The following TMEM263 variants were observed in gnomAD, a reference collection of about 807,000 sequenced individuals.
TMEM263 encodes the protein UPF0444 transmembrane protein C12orf23.
Under a neutral mutation model 8.6 loss-of-function variants are expected in TMEM263, and 5 were observed. The ratio of observed to expected loss-of-function variants is 0.58; its 90% CI spans 0.31 to 1.23. The LOEUF is 1.23. Ranked by LOEUF, TMEM263 falls within the 50% of genes most tolerant of loss-of-function variation. The probability of loss-of-function intolerance (pLI) is 0.07; values close to 1 mark genes in which losing one functional copy is unlikely to be tolerated. For synonymous variants in TMEM263, 50 were observed against 47.9 expected, an observed-to-expected ratio of 1.04 and a Z score of -0.18; for missense variants, 104 against 138.8, an observed-to-expected ratio of 0.75 and a Z score of 1.26.
At chr12:106,959,749 A>G (rs897985968) in intron 2 of TMEM263, among the ~76,000 whole-genome samples, 1 of 152,232 alleles carries the variant, frequency 6.6e-6, no homozygotes, top group African/African-American at 2.4e-5. Flanking sequence ...AAGAGGTAAT[A>G]TCACTAAAAG....
intron 2 of TMEM263, among the ~76,000 whole-genome samples, chr12:106,966,738 A>T (rs1374844600): frequency 6.6e-6 from 1 of 152,196 alleles, no homozygotes; most frequent in Non-Finnish European, 1.5e-5. Context: ...AATTACAATT[A>T]AATTAACCAG....
intron 2 of TMEM263, among the ~76,000 whole-genome samples, chr12:106,961,030 C>T (rs951048251): frequency 1.4e-5 from 2 of 142,548 alleles, no homozygotes; most frequent in African/African-American, 6.0e-5. Flanking sequence ...CTCCTCTCTT[C>T]TCTTCGTCCT....
chr12:106,965,246 C>T (rs1363560197), intron 2 of TMEM263, among the ~76,000 whole-genome samples: 1 of 152,146 alleles, frequency 6.6e-6, no homozygotes, highest in African/African-American at 2.4e-5. Context: ...TGTATCCTTA[C>T]CTTCTTTGAG....
chr12:106,971,647 T>C lies in TMEM263; in HGVS notation c.*256T>C. On this transcript the variant is annotated 3_prime_UTR_variant, in exon 4 of 4. Transcript: ENST00000280756. ...CTCGGTTGTAACTGAAGATATGGTA[T>C]GTTTGAATATTTACTATAAGTCTTT... 1 of 357,268 alleles carries C rather than the reference T, an allele frequency of 2.8e-6. No individual in the cohort carries two copies. Among genetic ancestry groups the C allele is most frequent in the Non-Finnish European group, 5.0e-6 (1 of 199,408 alleles). 22.1% of individuals were successfully genotyped at this position (357,268 alleles called of 1,614,324 possible). A position where few individuals can be genotyped will look rare whatever the true frequency, so the allele number is the denominator to read the frequency against.
chr12:106,967,099 T>G lies in TMEM263; in HGVS notation c.-6-12T>G, dbSNP rs202239783. On this transcript the variant is annotated splice_polypyrimidine_tract_variant and intron_variant, in intron 2 of 3. Transcript: ENST00000280756. The stretch of plus-strand genomic sequence containing the variant: ...GGTTAAAATGAAATGTGTTTGTATG[T>G]TTTTTTTTTAGGAGATCATGAATCA... 2,054 of 1,291,920 alleles carry G rather than the reference T, an allele frequency of 1.6e-3. 27 individuals are homozygous for G. In the South Asian group the frequency reaches 0.016, roughly 10 times the overall value. 80.0% of individuals were successfully genotyped at this position (1,291,920 alleles called of 1,614,324 possible).
chr12:106,961,491 A>G (rs968526013), intron 2 of TMEM263, among the ~76,000 whole-genome samples: 4 of 152,118 alleles, frequency 2.6e-5, no homozygotes, highest in African/African-American at 7.2e-5. Context: ...CCAAGTAGCA[A>G]TCTTGAGGAG....
chr12:106,962,817 T>G (rs548839857), intron 2 of TMEM263, among the ~76,000 whole-genome samples: 33 of 152,362 alleles, frequency 2.2e-4, no homozygotes, highest in Middle Eastern at 3.4e-3. Flanking sequence ...TGACATTAGA[T>G]TCTCCCTTTC....
At chr12:106,968,022 A>C (rs752262308) in intron 3 of TMEM263, among the ~76,000 whole-genome samples, 3 of 152,156 alleles carry the variant, frequency 2.0e-5, no homozygotes, top group Non-Finnish European at 4.4e-5. Context: ...ACCCTTGGAA[A>C]CACACCTGAA....
chr12:106,967,255 TA>T, intron 3 of TMEM263, 75 bp downstream of exon 3: 1 of 964,872 alleles, frequency 1.0e-6, no homozygotes, highest in Non-Finnish European at 1.5e-6. Flanking sequence ...ATTTTTTACT[TA>T]TTTTATTTTA....
At position 106,961,426 on chromosome 12, in the gene TMEM263, T is replaced by G. The variant is rs149055015; in HGVS notation, c.-7+4277T>G. ...ACAACAAAAACATGTACCAACAAAT[T>G]GGTAAAAATATGTAAATAAGATACT... On this transcript the variant is annotated intron_variant, in intron 2 of 3. Coordinates refer to ENST00000280756, the MANE Select transcript of TMEM263 (RefSeq NM_152261.4). Among the ~76,000 whole-genome samples the G allele has an allele frequency of 4.1e-3, 628 of 151,988 alleles. 3 individuals are homozygous for G. The highest frequency in any genetic ancestry group is 0.014 in the African/African-American group (597 of 41,440).
At chr12:106,956,500 CT>C (rs1342002489) in intron 1 of TMEM263, among the ~76,000 whole-genome samples, 1 of 152,148 alleles carries the variant, frequency 6.6e-6, no homozygotes, top group Non-Finnish European at 1.5e-5. Flanking sequence ...GCACACAAGA[CT>C]TTTTCCCAGT....
At chr12:106,964,153 C>CA (rs1379714541) in intron 2 of TMEM263, among the ~76,000 whole-genome samples, 4 of 152,142 alleles carry the variant, frequency 2.6e-5, no homozygotes, top group Non-Finnish European at 5.9e-5. Context: ...TAAGTGGCTT[C>CA]AAAATCATCA....
At position 106,973,182 on chromosome 12, in the gene TMEM263, G is replaced by A. The variant is rs1377126458; in HGVS notation, c.*1791G>A. The A allele has an allele frequency of 6.6e-6, 1 of 151,894 alleles. No individual in the cohort carries two copies. The highest frequency in any genetic ancestry group is 1.5e-5 in the Non-Finnish European group (1 of 67,924). 9.4% of individuals were successfully genotyped at this position (151,894 alleles called of 1,614,324 possible). A position where few individuals can be genotyped will look rare whatever the true frequency, so the allele number is the denominator to read the frequency against. On this transcript the variant is annotated 3_prime_UTR_variant, in exon 4 of 4. Transcript: ENST00000280756. ...ATTAAATGGTCATTTATTTCATGCA[G>A]TATGATTTAAGGTATTTCTTGAGAT...
intron 2 of TMEM263, among the ~76,000 whole-genome samples, chr12:106,964,700 C>T (rs1003108839): frequency 2.0e-5 from 3 of 152,222 alleles, no homozygotes; most frequent in Non-Finnish European, 2.9e-5. Flanking sequence ...CAATTGAAAG[C>T]TATTTATTAA....
At chr12:106,961,614 C>T (rs1555270949) in intron 2 of TMEM263, among the ~76,000 whole-genome samples, 1 of 152,080 alleles carries the variant, frequency 6.6e-6, no homozygotes, top group Non-Finnish European at 1.5e-5. Flanking sequence ...AGGAAGACAT[C>T]ATACCTTTGT....
Position 106,955,938 on chromosome 12 carries a change from G to A in TMEM263, c.-202G>A, listed in dbSNP as rs987233310. 7 of 985,774 alleles carry A rather than the reference G, an allele frequency of 7.1e-6. No individual in the cohort carries two copies. The South Asian group carries it at 2.8e-4, about 40-fold the overall frequency. 61.1% of individuals were successfully genotyped at this position (985,774 alleles called of 1,614,324 possible). On this transcript the variant is annotated 5_prime_UTR_variant, in exon 1 of 4. Transcript: ENST00000280756. ...TTCCAGCTCCACATCCTGAGAGGAC[G>A]CCTCTGGAGCCGCGACTGCCCGGGG... is the stretch of plus-strand genomic sequence containing the variant.
chr12:106,971,505 T>G lies in TMEM263; in HGVS notation c.*114T>G, dbSNP rs1033739456. 4.6e-6 allele frequency: 5 copies of G among 1,094,666 alleles called. No individual in the cohort carries two copies. The highest frequency in any genetic ancestry group is 5.9e-5 in the Admixed American group (2 of 34,058). The allele number at this position is 1,094,666 out of a possible 1,614,324, so 67.8% of individuals were successfully genotyped here. A position where few individuals can be genotyped will look rare whatever the true frequency, so the allele number is the denominator to read the frequency against. On this transcript the variant is annotated 3_prime_UTR_variant, in exon 4 of 4. Transcript: ENST00000280756. Reference sequence around the variant, plus strand: ...TGGACGTTTATCTTCTAAACTGCTGTGTTGAAAGTATTGATGACTGGCTTT... The same window carrying G: ...TGGACGTTTATCTTCTAAACTGCTGGGTTGAAAGTATTGATGACTGGCTTT...
intron 1 of TMEM263, among the ~76,000 whole-genome samples, chr12:106,956,415 C>T (rs1488804595): frequency 6.6e-6 from 1 of 152,146 alleles, no homozygotes; most frequent in Middle Eastern, 3.2e-3. Flanking sequence ...AGGGATGCAG[C>T]GGAGGGGCTT....
chr12:106,956,804 G>T (rs1483462891), intron 1 of TMEM263: 1 of 152,314 alleles, frequency 6.6e-6, no homozygotes, highest in East Asian at 1.9e-4. Context: ...TGTACAACGT[G>T]GAGCGGAGGG....
Sources: gnomAD v4.1 joint callset for allele counts (sites outside exome capture counted in the v4.1 genomes callset) on GRCh38, gnomAD v4.1.1 for gene constraint, MANE v1.5 for transcripts, NCBI Gene and HGNC (gene_info 2026-07-23, HGNC 2026-07-21) for gene names.